The following ETS1 variants were observed in gnomAD, a reference collection of about 807,000 sequenced individuals.
ETS1 encodes the protein ETS proto-oncogene 1, transcription factor.
In ETS1, 15 loss-of-function variants were observed where a neutral mutation model predicts 58.6. The observed-to-expected ratio is 0.26, with a 90% CI of 0.17 to 0.39. The LOEUF (loss-of-function observed/expected upper bound fraction) is 0.39, where lower values mean the gene tolerates loss of function less well. ETS1 is among the 10% of genes least tolerant of loss of function. ETS1 has a pLI of 1.00. For missense variants in ETS1, 417 were observed against 610.5 expected (o/e 0.68, Z 3.34); for synonymous variants, 214 against 218.2 (o/e 0.98, Z 0.17).
Position 128,459,749 on chromosome 11 carries a change from C to T in ETS1, c.*2612G>A, listed in dbSNP as rs534815149. ...ATCGACAAAGCTGTCTTAACTAATACACTATCTACAAATCTTGAAAATGGT... is the reference window on the plus strand; with the variant it reads ...ATCGACAAAGCTGTCTTAACTAATATACTATCTACAAATCTTGAAAATGGT... On this transcript the variant is annotated 3_prime_UTR_variant, in exon 10 of 10. Transcript: ENST00000392668. 3 of 152,892 alleles carry T rather than the reference C, an allele frequency of 2.0e-5. No individual in the cohort carries two copies. The South Asian group carries it at 6.2e-4, about 32-fold the overall frequency. 9.5% of individuals were successfully genotyped at this position (152,892 alleles called of 1,614,324 possible). A position where few individuals can be genotyped will look rare whatever the true frequency, so the allele number is the denominator to read the frequency against.
Position 128,459,360 on chromosome 11 carries a change from G to A in ETS1, c.*3001C>T, listed in dbSNP as rs937840914. On this transcript the variant is annotated 3_prime_UTR_variant, in exon 10 of 10. Transcript: ENST00000392668. ...TATTTCTCACCATGAAGGTTAGGCAGGTTAATGCTGTAAAACCCAGAGTGT... is the reference window on the plus strand; with the variant it reads ...TATTTCTCACCATGAAGGTTAGGCAAGTTAATGCTGTAAAACCCAGAGTGT... The A allele has an allele frequency of 2.0e-5, 3 of 152,726 alleles. No homozygotes were observed. Among genetic ancestry groups the A allele is most frequent in the Admixed American group, 6.5e-5 (1 of 15,276 alleles). The allele number at this position is 152,726 out of a possible 1,614,324, so 9.5% of individuals were successfully genotyped here. A position where few individuals can be genotyped will look rare whatever the true frequency, so the allele number is the denominator to read the frequency against.
At position 128,556,436 on chromosome 11, in the gene ETS1, C is replaced by A; in HGVS notation, c.70-1G>T. 6.3e-7 allele frequency: 1 copy of A among 1,590,732 alleles called. No homozygotes were observed. ...CATAAGTGTTGCTAGGTCCTTGCCTCTGTGCAAGAAAAAATAGAAGAAAAT... is the reference window on the plus strand; with the variant it reads ...CATAAGTGTTGCTAGGTCCTTGCCTATGTGCAAGAAAAAATAGAAGAAAAT... On this transcript the variant is annotated splice_acceptor_variant, in intron 2 of 9. Coordinates refer to ENST00000392668, the MANE Select transcript of ETS1 (RefSeq NM_001143820.2). LOFTEE classifies it high-confidence loss of function.
At chr11:128,513,585 T>G (rs75749683) in intron 3 of ETS1, among the ~76,000 whole-genome samples, 9,903 of 151,492 alleles carry the variant, frequency 0.065, 330 homozygotes, top group Middle Eastern at 0.076. Flanking sequence ...TGTGCATTTA[T>G]TTCGTGTCTT....
chr11:128,524,666 A>G (rs1344532433), intron 3 of ETS1, among the ~76,000 whole-genome samples: 1 of 152,206 alleles, frequency 6.6e-6, no homozygotes, highest in East Asian at 1.9e-4. Flanking sequence ...TGGACTTTAA[A>G]TGATATTTCT....
intron 3 of ETS1, among the ~76,000 whole-genome samples, chr11:128,495,333 T>C (rs537188645): frequency 6.6e-6 from 1 of 152,374 alleles, no homozygotes; most frequent in South Asian, 2.1e-4. Flanking sequence ...GGACTTTTCC[T>C]TTCTTATTTT....
chr11:128,521,107 G>C (rs1380202416), intron 3 of ETS1, among the ~76,000 whole-genome samples: 5 of 150,770 alleles, frequency 3.3e-5, no homozygotes, highest in Admixed American at 6.6e-5. Context: ...CTCTTAAGTT[G>C]CTTAGCACCA....
intron 2 of ETS1, among the ~76,000 whole-genome samples, chr11:128,565,854 A>G (rs61907770): frequency 2.6e-5 from 4 of 152,148 alleles, no homozygotes; most frequent in East Asian, 1.9e-4. Flanking sequence ...TGTCTTCACT[A>G]GGCTTCATGG....
At position 128,566,720 on chromosome 11, in the gene ETS1, C is replaced by T. The variant is rs372490897; in HGVS notation, c.69+6342G>A. Among the ~76,000 whole-genome samples, 28 of 151,332 alleles carry T rather than the reference C, an allele frequency of 1.9e-4. No homozygotes were observed. In the East Asian group the frequency reaches 2.5e-3, roughly 14 times the overall value. Reference sequence around the variant, plus strand: ...ATGGCGTGAATCTGGGGGGCAGAGCCTGCTGTGAGCCGAGAGGGCGCCACT... The same window carrying T: ...ATGGCGTGAATCTGGGGGGCAGAGCTTGCTGTGAGCCGAGAGGGCGCCACT... On this transcript the variant is annotated intron_variant, in intron 2 of 9. Coordinates refer to ENST00000392668, the MANE Select transcript of ETS1 (RefSeq NM_001143820.2).
intron 3 of ETS1, among the ~76,000 whole-genome samples, chr11:128,548,014 A>G (rs988491513): frequency 2.6e-5 from 4 of 152,014 alleles, no homozygotes; most frequent in African/African-American, 9.7e-5. Flanking sequence ...TTCAGACAGC[A>G]GTCAGGGAAC....
At chr11:128,481,315 C>G (rs1862478888) in intron 7 of ETS1, among the ~76,000 whole-genome samples, 1 of 151,912 alleles carries the variant, frequency 6.6e-6, no homozygotes, top group South Asian at 2.1e-4. Flanking sequence ...ACCACAAGAT[C>G]ATGCAAGTTC....
intron 3 of ETS1, chr11:128,505,504 G>T (rs1007713575): frequency 6.6e-6 from 1 of 152,158 alleles, no homozygotes; most frequent in Admixed American, 6.5e-5. Context: ...TTCCCAATGG[G>T]CTTCTCTTTA....
At chr11:128,474,262 CA>C (rs1862262180) in intron 8 of ETS1, among the ~76,000 whole-genome samples, 1 of 152,138 alleles carries the variant, frequency 6.6e-6, no homozygotes, top group South Asian at 2.1e-4. Flanking sequence ...CCCTTCTGTC[CA>C]AAGACTGCTT....
chr11:128,492,947 A>T (rs1862842357), intron 3 of ETS1, among the ~76,000 whole-genome samples: 1 of 152,176 alleles, frequency 6.6e-6, no homozygotes, highest in Non-Finnish European at 1.5e-5. Flanking sequence ...ATTTGAAGCA[A>T]CTTTCCTCCC....
At chr11:128,550,696 GT>G (rs1441403723) in intron 3 of ETS1, among the ~76,000 whole-genome samples, 1 of 152,176 alleles carries the variant, frequency 6.6e-6, no homozygotes, top group Non-Finnish European at 1.5e-5. Flanking sequence ...CTCAGGTAGG[GT>G]TACAGCTTGC....
At chr11:128,532,944 C>T (rs575851622) in intron 3 of ETS1, among the ~76,000 whole-genome samples, 29 of 152,174 alleles carry the variant, frequency 1.9e-4, no homozygotes, top group Non-Finnish European at 2.6e-4. Context: ...TTAAATAACA[C>T]GCCTCTCTCC....
At chr11:128,473,874 G>A (rs529419281) in intron 8 of ETS1, among the ~76,000 whole-genome samples, 2 of 152,330 alleles carry the variant, frequency 1.3e-5, no homozygotes. Context: ...CCCAACAGAG[G>A]TGATGGGGAG....
chr11:128,490,714 AT>A (rs35432800), intron 3 of ETS1, 138 bp from the exon 4 acceptor site: 61,220 of 328,326 alleles, frequency 0.19, 1,369 homozygotes, highest in Admixed American at 0.25. Flanking sequence ...AGAGCAGGCA[AT>A]TTTTTTTTTT....
At chr11:128,584,938 A>AAAAGAAAGAAGG (rs1864944507) in intron 1 of ETS1, among the ~76,000 whole-genome samples, 1 of 62,562 alleles carries the variant, frequency 1.6e-5, no homozygotes, top group Non-Finnish European at 3.2e-5. Flanking sequence ...GAAAAAAGAG[A>AAAAGAAAGAAGG]AAAGAAAGAA....
In ETS1 at chr11:128,522,236, G is replaced by A. The variant is rs1023580579; in HGVS notation, c.215-31660C>T. On this transcript the variant is annotated intron_variant, in intron 3 of 9. Coordinates refer to ENST00000392668, the MANE Select transcript of ETS1 (RefSeq NM_001143820.2). ...CTCGGGTCCCAGCCTCGCCCGCGCC[G>A]CGCCCGCTCCTCCTGCCCGGCCCTC... 18 of 1,202,162 alleles carry A rather than the reference G, an allele frequency of 1.5e-5. 1 individual carries two copies. In the African/African-American group the frequency reaches 2.2e-4, roughly 15 times the overall value. The allele number at this position is 1,202,162 out of a possible 1,614,324, so 74.5% of individuals were successfully genotyped here. A position where few individuals can be genotyped will look rare whatever the true frequency, so the allele number is the denominator to read the frequency against.
Sources: gnomAD v4.1 joint callset for allele counts (sites outside exome capture counted in the v4.1 genomes callset) on GRCh38, gnomAD v4.1.1 for gene constraint, MANE v1.5 for transcripts, NCBI Gene and HGNC (gene_info 2026-07-23, HGNC 2026-07-21) for gene names.